The following TM2D1 variants were observed in gnomAD, a reference collection of about 807,000 sequenced individuals.
TM2D1 encodes the protein TM2 domain-containing protein 1.
In TM2D1, 15 loss-of-function variants were observed where a neutral mutation model predicts 28.4. That is an observed-to-expected ratio of 0.53 (90% confidence interval 0.35 to 0.81). The LOEUF (loss-of-function observed/expected upper bound fraction) is 0.81, where lower values mean the gene tolerates loss of function less well. Among genes scored for constraint, TM2D1 ranks in the 40% least tolerant of loss-of-function variants. TM2D1 has a pLI of 0.01. For synonymous variants in TM2D1, 93 were observed against 96.2 expected, an observed-to-expected ratio of 0.97 and a Z score of 0.20; for missense variants, 236 against 254.9, an observed-to-expected ratio of 0.93 and a Z score of 0.50.
chr1:61,684,937 C>T (rs547136893), intron 5 of TM2D1, among the ~76,000 whole-genome samples: 2 of 152,156 alleles, frequency 1.3e-5, no homozygotes, highest in African/African-American at 2.4e-5. Flanking sequence ...GCCATCACGC[C>T]CAGCTAATTT....
rs1367660312 is a variant in TM2D1 at position 61,709,281 on chromosome 1, T to C, written c.347+48A>G. ...CTCCTCTCTTCATGCAATGAAGATATAATATAGGCAAGTAATCTGAAAATT... is the reference window on the plus strand; with the variant it reads ...CTCCTCTCTTCATGCAATGAAGATACAATATAGGCAAGTAATCTGAAAATT... On this transcript the variant is annotated intron_variant, in intron 3 of 6. Coordinates refer to ENST00000606498, the MANE Select transcript of TM2D1 (RefSeq NM_032027.3). The C allele has an allele frequency of 2.6e-6, 3 of 1,159,438 alleles. No homozygotes were observed. In the African/African-American group the frequency reaches 4.6e-5, roughly 18 times the overall value. 71.8% of individuals were successfully genotyped at this position (1,159,438 alleles called of 1,614,324 possible). A position where few individuals can be genotyped will look rare whatever the true frequency, so the allele number is the denominator to read the frequency against.
chr1:61,700,906 G>A (rs558148025), intron 4 of TM2D1, 28 bp downstream of exon 4: 5 of 1,537,060 alleles, frequency 3.3e-6, no homozygotes, highest in Non-Finnish European at 4.4e-6. Context: ...GGTTTCATAA[G>A]GATTTTTTTT....
chr1:61,685,270 T>G (rs1259322122), intron 5 of TM2D1, among the ~76,000 whole-genome samples: 1 of 152,238 alleles, frequency 6.6e-6, no homozygotes, highest in Non-Finnish European at 1.5e-5. Context: ...TCCTACGATA[T>G]TTATATTCTG....
chr1:61,694,915 T>C (rs904711708), intron 4 of TM2D1, 145 bp from the exon 5 acceptor site: 7 of 437,460 alleles, frequency 1.6e-5, no homozygotes, highest in East Asian at 1.1e-4. Flanking sequence ...AGAAATCAAA[T>C]CTTCACTTGA....
intron 2 of TM2D1, among the ~76,000 whole-genome samples, chr1:61,711,706 C>T (rs1644480642): frequency 6.6e-6 from 1 of 151,986 alleles, no homozygotes; most frequent in Non-Finnish European, 1.5e-5. Context: ...TGCCTTGGCA[C>T]AGGGATAAAA....
intron 4 of TM2D1, chr1:61,697,636 G>A (rs1487094033): frequency 6.6e-6 from 1 of 152,104 alleles, no homozygotes; most frequent in Non-Finnish European, 1.5e-5. Context: ...TTTGACACTT[G>A]TAAACACCTG....
At chr1:61,698,695 C>T (rs1202870651) in intron 4 of TM2D1, 1 of 150,020 alleles carries the variant, frequency 6.7e-6, no homozygotes, top group Non-Finnish European at 1.5e-5. Context: ...CACTGCTTTT[C>T]ATAACCATGA....
intron 5 of TM2D1, among the ~76,000 whole-genome samples, chr1:61,685,458 T>G (rs113647857): frequency 0.017 from 2,577 of 152,324 alleles, 25 homozygotes; most frequent in Admixed American, 0.03. Flanking sequence ...CTATAAAGCA[T>G]TCCTCATTTT....
rs548702686 is a variant in TM2D1, at chr1:61,723,757, T to A, written c.194A>T (p.Asp65Val). 45 of 1,557,666 alleles carry A rather than the reference T, an allele frequency of 2.9e-5. No individual in the cohort carries two copies. The highest frequency in any genetic ancestry group is 3.8e-5 in the Non-Finnish European group (43 of 1,145,400). The change falls in exon 2 of 7, where the codon GAC becomes GTC. Residue 65 changes from aspartate (D) to valine (V), a missense_variant. By Grantham distance (152) the Asp-to-Val change is radical. This residue lies in a region of TM2D1 where 167 missense variants were observed against 162.7 expected (regional missense o/e 1.03). Transcript: ENST00000606498. The part of the protein sequence containing the change: ...QYICKDPKIN[D>V]ATQEPVNCTN... ...ACAGTTAACTGGTTCTTGCGTAGCG[T>A]CATTTATTTTTGGATCTTTACAAAT... is the stretch of plus-strand genomic sequence containing the variant.
chr1:61,718,081 G>A (rs1414173000), intron 2 of TM2D1, among the ~76,000 whole-genome samples: 1 of 152,110 alleles, frequency 6.6e-6, no homozygotes, highest in Non-Finnish European at 1.5e-5. Flanking sequence ...ACTTTCGGAG[G>A]CCGAGGCAAG....
chr1:61,681,778 A>G (rs142777138), intron 6 of TM2D1, among the ~76,000 whole-genome samples: 1 of 152,338 alleles, frequency 6.6e-6, no homozygotes, highest in Non-Finnish European at 1.5e-5. Flanking sequence ...CCTAATACAA[A>G]ATGATACAGT....
At chr1:61,692,906 T>C (rs1644339360) in intron 5 of TM2D1, among the ~76,000 whole-genome samples, 2 of 152,188 alleles carry the variant, frequency 1.3e-5, no homozygotes, top group South Asian at 2.1e-4. Flanking sequence ...ACCTCAATAA[T>C]TTCTTAATGT....
At chr1:61,693,988 C>G (rs1255576813) in intron 5 of TM2D1, among the ~76,000 whole-genome samples, 2 of 152,172 alleles carry the variant, frequency 1.3e-5, no homozygotes, top group Non-Finnish European at 2.9e-5. Context: ...GACAGCATTT[C>G]ACAAACTATG....
chr1:61,691,720 G>A (rs4915597), intron 5 of TM2D1, among the ~76,000 whole-genome samples: 88,142 of 148,866 alleles, frequency 0.59, 27,616 homozygotes, highest in East Asian at 0.84. Context: ...GTTCGACACC[G>A]GCCTGACCAA....
chr1:61,714,569 T>C (rs776210225), intron 2 of TM2D1, among the ~76,000 whole-genome samples: 37 of 152,230 alleles, frequency 2.4e-4, no homozygotes, highest in South Asian at 6.2e-4. Flanking sequence ...TTTCTTTCGC[T>C]TTATTTTTGT....
Position 61,691,933 on chromosome 1 carries a change from ATATATATAT to A in TM2D1, c.513+2755_513+2763del, listed in dbSNP as rs1270113460. Reference sequence around the variant, plus strand: ...CTCAAAAAAAACTTAAAAAAAAAAAATATATATATATATATATATATATATATGTATATA... The same window carrying A: ...CTCAAAAAAAACTTAAAAAAAAAAAAATATATATATATATATATGTATATA... On this transcript the variant is annotated intron_variant, in intron 5 of 6. Transcript: ENST00000606498. Among the ~76,000 whole-genome samples, 21 of 83,032 alleles carry A rather than the reference ATATATATAT, an allele frequency of 2.5e-4. 1 individual carries two copies. The highest frequency in any genetic ancestry group is 4.5e-4 in the South Asian group (1 of 2,234). 54.5% of individuals were successfully genotyped at this position (83,032 alleles called of 152,430 possible).
chr1:61,688,677 C>G lies in TM2D1; in HGVS notation c.514-5131G>C, dbSNP rs556462222. Among the ~76,000 whole-genome samples the G allele has an allele frequency of 2.2e-4, 33 of 149,996 alleles. 1 individual carries two copies. The highest frequency in any genetic ancestry group is 7.6e-4 in the African/African-American group (31 of 40,742). On this transcript the variant is annotated intron_variant, in intron 5 of 6. Transcript: ENST00000606498. ...GGCGGAGGTCACAGTGAGCCAAGATCGTGCCACTGCACTCCAGCCTGGGCA... is the reference window on the plus strand; with the variant it reads ...GGCGGAGGTCACAGTGAGCCAAGATGGTGCCACTGCACTCCAGCCTGGGCA...
At chr1:61,691,652 A>G (rs1426086497) in intron 5 of TM2D1, among the ~76,000 whole-genome samples, 1 of 151,516 alleles carries the variant, frequency 6.6e-6, no homozygotes, top group Non-Finnish European at 1.5e-5. Flanking sequence ...GCAGTGGCTT[A>G]TGCCTATAAT....
At chr1:61,703,849 C>T (rs1437236781) in intron 3 of TM2D1, among the ~76,000 whole-genome samples, 3 of 150,242 alleles carry the variant, frequency 2.0e-5, no homozygotes, top group Admixed American at 6.7e-5. Flanking sequence ...CTCCACCTCC[C>T]GGATTCAAGC....
Sources: gnomAD v4.1 joint callset for allele counts (sites outside exome capture counted in the v4.1 genomes callset) on GRCh38, gnomAD v4.1.1 for gene constraint, gnomAD v4.1.1 regional missense constraint, MANE v1.5 for transcripts, NCBI Gene and HGNC (gene_info 2026-07-23, HGNC 2026-07-21) for gene names.